TRHDE: variants seen among roughly 807,000 people sequenced by gnomAD.
TRHDE encodes thyrotropin releasing hormone degrading enzyme, also known as thyrotropin-releasing hormone-degrading ectoenzyme.
Under a neutral mutation model 125.7 loss-of-function variants are expected in TRHDE, and 72 were observed. The observed-to-expected ratio is 0.57, with a 90% CI of 0.47 to 0.70. The LOEUF is 0.70. Among genes scored for constraint, TRHDE ranks in the 30% least tolerant of loss-of-function variants. The pLI is 0.00. For synonymous variants in TRHDE, 509 were observed against 509.1 expected, an observed-to-expected ratio of 1.00 and a Z score of 0.00; for missense variants, 1,110 against 1,327.1, an observed-to-expected ratio of 0.84 and a Z score of 2.54.
At chr12:72,134,659 A>C (rs1212666551) in intron 2 of TRHDE, among the ~76,000 whole-genome samples, 1 of 152,164 alleles carries the variant, frequency 6.6e-6, no homozygotes, top group Non-Finnish European at 1.5e-5. Context: ...AAGAAGAGAA[A>C]GGGAAAAACT....
intron 3 of TRHDE, among the ~76,000 whole-genome samples, chr12:72,432,758 T>C (rs1874551852): frequency 6.6e-6 from 1 of 152,212 alleles, no homozygotes; most frequent in African/African-American, 2.4e-5. Flanking sequence ...TAAAATGTCA[T>C]GTCTTTTGCG....
intron 12 of TRHDE, among the ~76,000 whole-genome samples, chr12:72,597,752 TATATATG>T: frequency 1.1e-4 from 1 of 9,450 alleles, no homozygotes; most frequent in Admixed American, 2.0e-3. Context: ...TATATATATA[TATATATG>T]CATACACACA....
chr12:72,230,791 G>A (rs1398788970), intron 2 of TRHDE, among the ~76,000 whole-genome samples: 1 of 152,036 alleles, frequency 6.6e-6, no homozygotes, highest in Non-Finnish European at 1.5e-5. Flanking sequence ...AGCCAAATAT[G>A]CTTATAAAAG....
At chr12:72,442,506 G>T (rs1875063962) in intron 3 of TRHDE, among the ~76,000 whole-genome samples, 1 of 151,830 alleles carries the variant, frequency 6.6e-6, no homozygotes, top group Non-Finnish European at 1.5e-5. Context: ...TTATCTATCT[G>T]CATTTCCTTG....
chr12:72,091,025 A>G (rs1002520487), intron 1 of TRHDE, among the ~76,000 whole-genome samples: 1 of 152,006 alleles, frequency 6.6e-6, no homozygotes, highest in African/African-American at 2.4e-5. Context: ...GTGCACCACC[A>G]TGCCTGGTTA....
intron 2 of TRHDE, among the ~76,000 whole-genome samples, chr12:72,123,923 A>AT (rs1566231092): frequency 6.6e-6 from 1 of 152,036 alleles, no homozygotes; most frequent in African/African-American, 2.4e-5. Context: ...TATATACTCT[A>AT]TTTTTTGGTC....
intron 2 of TRHDE, among the ~76,000 whole-genome samples, chr12:72,314,125 G>T (rs116090826): frequency 0.014 from 2,196 of 152,204 alleles, 53 homozygotes; most frequent in African/African-American, 0.05. Context: ...CTCTTAACTT[G>T]CAAGCAATGT....
chr12:72,535,846 C>G (rs2135980867), intron 6 of TRHDE, among the ~76,000 whole-genome samples: 1 of 152,232 alleles, frequency 6.6e-6, no homozygotes, highest in Middle Eastern at 3.4e-3. Flanking sequence ...ACATCATTTA[C>G]AAATTTACAT....
intron 3 of TRHDE, among the ~76,000 whole-genome samples, chr12:72,412,035 A>G (rs544427688): frequency 7.2e-5 from 11 of 152,334 alleles, no homozygotes; most frequent in South Asian, 6.2e-4. Context: ...AGAAGATAAT[A>G]TAAGAGAATA....
At position 72,596,646 on chromosome 12, in the gene TRHDE, G is replaced by A. The variant is rs1189827390; in HGVS notation, c.2321+21104G>A. 1.3e-5 allele frequency among the ~76,000 whole-genome samples: 2 copies of A among 152,150 alleles called. 1 individual carries two copies. Among genetic ancestry groups the A allele is most frequent in the South Asian group, 4.1e-4 (2 of 4,830 alleles). On this transcript the variant is annotated intron_variant, in intron 12 of 18. Coordinates refer to ENST00000261180, the MANE Select transcript of TRHDE (RefSeq NM_013381.3). ...TTCGTAATGCTTCACAGAAGAGGTG[G>A]CAATTGAAGATTTAGGATGACCTTT...
At chr12:72,297,851 G>A (rs113775260) in intron 2 of TRHDE, among the ~76,000 whole-genome samples, 12 of 152,256 alleles carry the variant, frequency 7.9e-5, no homozygotes, top group Admixed American at 2.0e-4. Flanking sequence ...TTACTTATGC[G>A]GCAGACGGAA....
chr12:72,273,544 C>T lies in TRHDE; in HGVS notation c.901C>T (p.His301Tyr). ...CTTCTTCCGCAGCTCCTATGTGCTC[C>T]ACGGGGAGAGAAGGTATGGAGGGAG... The part of the protein sequence containing the change: ...LGFFRSSYVL[H>Y]GERRFLGVTQ... Residue 301 changes from histidine (H) to tyrosine (Y), a missense_variant, in exon 1 of 19, where the codon CAC (histidine) becomes TAC (tyrosine). Transcript: ENST00000261180. This position sits in a 1 kb window ranked among gnomAD's most constrained non-coding sequence, Gnocchi z 5.3. 2.5e-6 allele frequency: 4 copies of T among 1,598,060 alleles called. No individual in the cohort carries two copies. Among genetic ancestry groups the T allele is most frequent in the Non-Finnish European group, 3.4e-6 (4 of 1,176,748 alleles).
chr12:72,642,646 T>A, intron 15 of TRHDE, among the ~76,000 whole-genome samples: 1 of 152,136 alleles, frequency 6.6e-6, no homozygotes, highest in East Asian at 1.9e-4. Flanking sequence ...CAAACACAGT[T>A]TTCCTTCCCA....
At chr12:72,434,102 T>C (rs897920918) in intron 3 of TRHDE, among the ~76,000 whole-genome samples, 1 of 152,122 alleles carries the variant, frequency 6.6e-6, no homozygotes. Flanking sequence ...AAATGTTTCT[T>C]GGCCAGGCAC....
intron 2 of TRHDE, among the ~76,000 whole-genome samples, chr12:72,195,187 ACATCCCACTGAGTC>A (rs1281276302): frequency 2.0e-5 from 3 of 152,112 alleles, no homozygotes; most frequent in African/African-American, 7.2e-5. Flanking sequence ...CGATTCAATT[ACATCCCACTGAGTC>A]CATCCCACGA....
chr12:72,460,366 A>T (rs1876069048), intron 3 of TRHDE, among the ~76,000 whole-genome samples: 2 of 152,162 alleles, frequency 1.3e-5, no homozygotes, highest in African/African-American at 4.8e-5. Flanking sequence ...TGTAGCCATT[A>T]TACTGTGCAC....
intron 6 of TRHDE, among the ~76,000 whole-genome samples, chr12:72,517,377 G>A (rs1362621883): frequency 6.6e-6 from 1 of 152,106 alleles, no homozygotes; most frequent in Non-Finnish European, 1.5e-5. Flanking sequence ...TCTTGGGAGA[G>A]TGCATGTGTC....
At chr12:72,554,036 TG>T (rs1238035216) in intron 7 of TRHDE, among the ~76,000 whole-genome samples, 6 of 151,862 alleles carry the variant, frequency 4.0e-5, no homozygotes, top group African/African-American at 1.4e-4. Flanking sequence ...TTAGTAGAGA[TG>T]GGGTTTCACC....
intron 3 of TRHDE, among the ~76,000 whole-genome samples, chr12:72,393,068 G>T (rs1592412753): frequency 6.6e-6 from 1 of 151,778 alleles, no homozygotes; most frequent in East Asian, 1.9e-4. Flanking sequence ...TTCATATATT[G>T]TATATTTATA....
Sources: allele counts gnomAD v4.1 joint callset (sites outside exome capture counted in the v4.1 genomes callset), GRCh38; gene constraint gnomAD v4.1.1; non-coding constraint Gnocchi (gnomAD v3.1); transcripts MANE v1.5; gene names NCBI Gene and HGNC (gene_info 2026-07-23, HGNC 2026-07-21).